Variants in TMEM178B observed in about 807,000 individuals in gnomAD.
The protein encoded by TMEM178B is transmembrane protein 178B.
TMEM178B carries 5 observed loss-of-function variants against 31.0 expected under a neutral mutation model. The observed-to-expected ratio is 0.16, with a 90% CI of 0.08 to 0.34. The LOEUF (loss-of-function observed/expected upper bound fraction) is 0.34. Ranked by LOEUF, TMEM178B falls within the 10% of genes least tolerant of loss-of-function variation. The pLI is 1.00. For synonymous variants in TMEM178B, 164 were observed against 164.0 expected, an observed-to-expected ratio of 1.00 and a Z score of 0.00; for missense variants, 275 against 400.3, an observed-to-expected ratio of 0.69 and a Z score of 2.67.
intron 2 of TMEM178B, among the ~76,000 whole-genome samples, chr7:141,324,416 G>GTTGT (rs1799151207): frequency 7.0e-5 from 6 of 85,778 alleles, no homozygotes; most frequent in African/African-American, 2.4e-4. Context: ...GGAGACCAGG[G>GTTGT]TTTTTTTTTT....
chr7:141,230,846 G>A (rs779872119), intron 2 of TMEM178B, among the ~76,000 whole-genome samples: 1 of 152,062 alleles, frequency 6.6e-6, no homozygotes, highest in African/African-American at 2.4e-5. Context: ...CAGCTCAGAG[G>A]TTCTCTCATA....
intron 2 of TMEM178B, among the ~76,000 whole-genome samples, chr7:141,411,399 T>C (rs1275580480): frequency 6.6e-6 from 1 of 152,170 alleles, no homozygotes; most frequent in African/African-American, 2.4e-5. Flanking sequence ...CTGTATATTT[T>C]TTAATGGTTA....
chr7:141,220,851 G>A (rs7784749), intron 2 of TMEM178B, among the ~76,000 whole-genome samples: 18,300 of 152,200 alleles, frequency 0.12, 3,402 homozygotes, highest in African/African-American at 0.4. Flanking sequence ...TTCATTCAAT[G>A]GTTGTGGAGT....
At chr7:141,406,846 T>C (rs992356324) in intron 2 of TMEM178B, among the ~76,000 whole-genome samples, 1 of 152,230 alleles carries the variant, frequency 6.6e-6, no homozygotes, top group African/African-American at 2.4e-5. Context: ...TTTGTTACAA[T>C]GCATGTATTT....
At chr7:141,375,644 T>C (rs1800199574) in intron 2 of TMEM178B, among the ~76,000 whole-genome samples, 2 of 152,238 alleles carry the variant, frequency 1.3e-5, no homozygotes, top group Admixed American at 6.5e-5. Flanking sequence ...ATGAGCCCCC[T>C]GTTACTCTGT....
At chr7:141,452,207 C>G (rs1253218929) in intron 3 of TMEM178B, among the ~76,000 whole-genome samples, 1 of 152,166 alleles carries the variant, frequency 6.6e-6, no homozygotes, top group African/African-American at 2.4e-5. Flanking sequence ...TTCCTGAGCT[C>G]TGGCCTCATG....
At chr7:141,216,898 G>C (rs552900493) in intron 2 of TMEM178B, among the ~76,000 whole-genome samples, 7 of 152,128 alleles carry the variant, frequency 4.6e-5, no homozygotes, top group African/African-American at 1.2e-4. Flanking sequence ...GGGCTCCAAG[G>C]GTAAGCTGCA....
At chr7:141,357,889 A>G (rs1799848822) in intron 2 of TMEM178B, among the ~76,000 whole-genome samples, 1 of 152,228 alleles carries the variant, frequency 6.6e-6, no homozygotes, top group Admixed American at 6.5e-5. Context: ...TAAGAACACT[A>G]GACTGCCACA....
intron 2 of TMEM178B, among the ~76,000 whole-genome samples, chr7:141,363,663 G>C (rs1204630862): frequency 6.6e-6 from 1 of 152,164 alleles, no homozygotes; most frequent in East Asian, 1.9e-4. Flanking sequence ...TTCAGAAGTG[G>C]AAAACAGAGA....
chr7:141,440,713 T>C (rs1160462731), intron 3 of TMEM178B, among the ~76,000 whole-genome samples: 1 of 152,184 alleles, frequency 6.6e-6, no homozygotes. Context: ...TCCTGTAAGA[T>C]ACAGTGTTAG....
intron 2 of TMEM178B, among the ~76,000 whole-genome samples, chr7:141,370,199 A>G (rs1199167729): frequency 2.0e-5 from 3 of 152,084 alleles, no homozygotes; most frequent in Non-Finnish European, 4.4e-5. Context: ...TTGCAGAGAG[A>G]TTATTAAGAC....
At chr7:141,162,564 A>G (rs1454293805) in intron 1 of TMEM178B, among the ~76,000 whole-genome samples, 1 of 152,234 alleles carries the variant, frequency 6.6e-6, no homozygotes, top group Non-Finnish European at 1.5e-5. Flanking sequence ...CCATTATAGG[A>G]TGTTGACATC....
chr7:141,453,920 T>TA (rs10701376), intron 3 of TMEM178B, among the ~76,000 whole-genome samples: 4,000 of 147,224 alleles, frequency 0.027, 87 homozygotes, highest in African/African-American at 0.063. Flanking sequence ...CCCTTTTATC[T>TA]AAAAAAAAAA....
chr7:141,246,114 T>C (rs1797726335), intron 2 of TMEM178B, among the ~76,000 whole-genome samples: 1 of 152,166 alleles, frequency 6.6e-6, no homozygotes, highest in African/African-American at 2.4e-5. Flanking sequence ...TTCAAATTTG[T>C]TTCTGAGGGG....
At chr7:141,238,201 T>C (rs1797560321) in intron 2 of TMEM178B, among the ~76,000 whole-genome samples, 1 of 150,948 alleles carries the variant, frequency 6.6e-6, no homozygotes, top group African/African-American at 2.4e-5. Flanking sequence ...GTCCGGGGAG[T>C]AGGACAGGTT....
chr7:141,347,224 T>C (rs927348750), intron 2 of TMEM178B, among the ~76,000 whole-genome samples: 8 of 152,162 alleles, frequency 5.3e-5, no homozygotes, highest in Admixed American at 2.0e-4. Flanking sequence ...CAGCCTAATA[T>C]ACTCATAAAG....
chr7:141,237,845 G>A (rs1301892713), intron 2 of TMEM178B, among the ~76,000 whole-genome samples: 2 of 151,976 alleles, frequency 1.3e-5, no homozygotes, highest in Non-Finnish European at 2.9e-5. Flanking sequence ...CCAACATGGC[G>A]AAACCCCGTC....
intron 1 of TMEM178B, among the ~76,000 whole-genome samples, chr7:141,157,528 A>G (rs1335676324): frequency 6.6e-6 from 1 of 152,074 alleles, no homozygotes; most frequent in African/African-American, 2.4e-5. Context: ...AACAACAACA[A>G]CAACAACAAC....
chr7:141,119,249 T>C (rs904259785), intron 1 of TMEM178B, among the ~76,000 whole-genome samples: 9 of 152,194 alleles, frequency 5.9e-5, no homozygotes, highest in African/African-American at 2.2e-4. Context: ...CCACTGATTC[T>C]CCTCAGTCAT....
Sources: gnomAD v4.1 joint callset for allele counts (sites outside exome capture counted in the v4.1 genomes callset) on GRCh38, gnomAD v4.1.1 for gene constraint, MANE v1.5 for transcripts, NCBI Gene and HGNC (gene_info 2026-07-23, HGNC 2026-07-21) for gene names.